Variants in GALNT13 observed in about 807,000 individuals in gnomAD.
GALNT13 encodes polypeptide N-acetylgalactosaminyltransferase 13.
GALNT13 carries 28 observed loss-of-function variants against 64.2 expected under a neutral mutation model. The observed-to-expected ratio is 0.44, with a 90% CI of 0.32 to 0.60. The LOEUF is 0.60. Ranked by LOEUF, GALNT13 falls within the 20% of genes least tolerant of loss-of-function variation. The pLI is 0.05. For missense variants in GALNT13, 577 were observed against 669.8 expected (o/e 0.86, Z 1.53); for synonymous variants, 214 against 224.6 (o/e 0.95, Z 0.42).
At chr2:154,041,981 A>C (rs1699008771) in intron 3 of GALNT13, among the ~76,000 whole-genome samples, 1 of 140,668 alleles carries the variant, frequency 7.1e-6, no homozygotes, top group African/African-American at 2.4e-5. Context: ...AAATTAACTA[A>C]AATTAATTTA....
At chr2:153,294,004 T>C in the GALNT13 span, among the ~76,000 whole-genome samples, 307 of 152,252 alleles carry the variant, frequency 2.0e-3, 2 homozygotes, top group African/African-American at 7.1e-3. Flanking sequence ...TTGTTTTTTT[T>C]AGAGATGAGG....
At position 154,147,926 on chromosome 2, in the gene GALNT13, T is replaced by C. The variant is rs575515286; in HGVS notation, c.311+7421T>C. Among the ~76,000 whole-genome samples the C allele has an allele frequency of 1.6e-4, 24 of 151,986 alleles. No individual in the cohort carries two copies. In the South Asian group the frequency reaches 2.9e-3, roughly 18 times the overall value. On this transcript the variant is annotated intron_variant, in intron 4 of 12. Transcript: ENST00000392825. ...ATTTTGCTTTTATTTTTTATTTTTA[T>C]TATTATTATACTTTAAGTTTTAGGG...
At chr2:154,360,877 G>A (rs907938352) in intron 9 of GALNT13, among the ~76,000 whole-genome samples, 6 of 152,048 alleles carry the variant, frequency 3.9e-5, no homozygotes, top group African/African-American at 1.4e-4. Flanking sequence ...GCCAAAAAGG[G>A]TTGAGGCATT....
At chr2:153,423,304 T>C in the GALNT13 span, 1 of 151,820 alleles carries the variant, frequency 6.6e-6, no homozygotes, top group Non-Finnish European at 1.5e-5. Flanking sequence ...AATCATTCAA[T>C]AAACTCAGGA....
chr2:154,110,382 G>GAGAC (rs1372555715), intron 3 of GALNT13, among the ~76,000 whole-genome samples: 1 of 133,110 alleles, frequency 7.5e-6, no homozygotes, highest in African/African-American at 2.9e-5. Context: ...GAGAGACAGA[G>GAGAC]AGAGAGAGAG....
the GALNT13 span, among the ~76,000 whole-genome samples, chr2:153,446,469 T>C: frequency 1.3e-5 from 2 of 152,178 alleles, no homozygotes; most frequent in East Asian, 1.9e-4. Flanking sequence ...CTAGGAAGGC[T>C]TGGACTTGAA....
the GALNT13 span, among the ~76,000 whole-genome samples, chr2:153,303,852 A>G: frequency 6.6e-6 from 1 of 152,098 alleles, no homozygotes; most frequent in Non-Finnish European, 1.5e-5. Context: ...GAGACTAGAT[A>G]CCCCAAGAGA....
chr2:153,836,503 CT>C, the GALNT13 span, among the ~76,000 whole-genome samples: 2,984 of 145,486 alleles, frequency 0.021, 106 homozygotes, highest in African/African-American at 0.069. Context: ...AACCATTGTT[CT>C]TTTTTTTTTT....
In GALNT13 at chr2:154,259,108, G is replaced by C; in HGVS notation, c.945G>C (p.Trp315Cys). 6.3e-7 allele frequency: 1 copy of C among 1,598,856 alleles called. No individual in the cohort carries two copies. The highest frequency in any genetic ancestry group is 8.6e-7 in the Non-Finnish European group (1 of 1,169,480). Residue 315 changes from tryptophan to cysteine, a missense_variant, in exon 8 of 13, where the codon TGG becomes TGC. Around this residue, in one of 3 missense-constraint regions of GALNT13, gnomAD observed 341 missense variants for 379.3 expected, o/e 0.90. Transcript: ENST00000392825. ...IGTYDAGMDI[W>C]GGENLEMSFR... ...CTTACGATGCAGGAATGGATATCTG[G>C]GGTGGAGAGAATCTTGAAATGTCTT...
chr2:154,055,305 T>G (rs1699841570), intron 3 of GALNT13, among the ~76,000 whole-genome samples: 1 of 152,080 alleles, frequency 6.6e-6, no homozygotes, highest in African/African-American at 2.4e-5. Context: ...CTTTTTTTTC[T>G]TCTTAATTGA....
the GALNT13 span, among the ~76,000 whole-genome samples, chr2:153,578,290 A>G: frequency 1.3e-5 from 2 of 152,208 alleles, no homozygotes; most frequent in Non-Finnish European, 2.9e-5. Context: ...ATATAAAATG[A>G]ATTTTAACCT....
the GALNT13 span, among the ~76,000 whole-genome samples, chr2:153,596,242 T>A: frequency 6.6e-6 from 1 of 152,146 alleles, no homozygotes; most frequent in Non-Finnish European, 1.5e-5. Flanking sequence ...AAATAAGGTG[T>A]CTATGCCCAT....
chr2:153,484,977 C>A, the GALNT13 span, among the ~76,000 whole-genome samples: 1 of 152,116 alleles, frequency 6.6e-6, no homozygotes, highest in African/African-American at 2.4e-5. Context: ...TACTGCATAA[C>A]CCCAGAAAGA....
chr2:153,628,628 G>C, the GALNT13 span, among the ~76,000 whole-genome samples: 2 of 152,230 alleles, frequency 1.3e-5, no homozygotes, highest in East Asian at 3.9e-4. Context: ...CTTTGGTTCT[G>C]TTCATATGCT....
chr2:153,681,749 G>A, the GALNT13 span, among the ~76,000 whole-genome samples: 1 of 151,466 alleles, frequency 6.6e-6, no homozygotes, highest in African/African-American at 2.4e-5. Flanking sequence ...ATTTTCCCCC[G>A]CAGTGGCCAT....
the GALNT13 span, among the ~76,000 whole-genome samples, chr2:153,301,362 T>A: frequency 2.0e-4 from 29 of 143,342 alleles, no homozygotes; most frequent in Admixed American, 1.1e-3. Flanking sequence ...TTTCCTCCCA[T>A]GAACACCTAG....
chr2:153,081,726 TC>T, the GALNT13 span, among the ~76,000 whole-genome samples: 1 of 152,210 alleles, frequency 6.6e-6, no homozygotes, highest in Non-Finnish European at 1.5e-5. Context: ...TGAATAGTAC[TC>T]CGCTATGTAC....
At chr2:153,551,156 C>G in the GALNT13 span, among the ~76,000 whole-genome samples, 1 of 152,164 alleles carries the variant, frequency 6.6e-6, no homozygotes, top group Non-Finnish European at 1.5e-5. Flanking sequence ...ACACACCTGC[C>G]TTGTTTAGTC....
the GALNT13 span, among the ~76,000 whole-genome samples, chr2:153,488,349 C>T: frequency 2.0e-5 from 3 of 152,218 alleles, no homozygotes; most frequent in Non-Finnish European, 4.4e-5. Context: ...AGCAGTGACA[C>T]GCAGTCCTTG....
Sources: gnomAD v4.1 joint callset for allele counts (sites outside exome capture counted in the v4.1 genomes callset) on GRCh38, gnomAD v4.1.1 for gene constraint, gnomAD v4.1.1 regional missense constraint, MANE v1.5 for transcripts, NCBI Gene and HGNC (gene_info 2026-07-23, HGNC 2026-07-21) for gene names.